DPH6: variants seen among roughly 807,000 people sequenced by gnomAD.
DPH6 encodes diphthine--ammonia ligase.
In DPH6, 33 loss-of-function variants were observed where a neutral mutation model predicts 38.2. That is an observed-to-expected ratio of 0.86 (90% CI 0.65 to 1.15). DPH6 has a LOEUF of 1.15. Among genes scored for constraint, DPH6 ranks in the 50% most tolerant of loss-of-function variants. The probability of loss-of-function intolerance (pLI) is 0.00; values close to 1 mark genes in which losing one functional copy is unlikely to be tolerated. For missense variants in DPH6, 325 were observed against 320.0 expected, an observed-to-expected ratio of 1.02 and a Z score of -0.12; for synonymous variants, 108 against 103.0, an observed-to-expected ratio of 1.05 and a Z score of -0.30.
chr15:35,231,782 G>A (rs2051519766), intron 3 of DPH6, among the ~76,000 whole-genome samples: 1 of 152,158 alleles, frequency 6.6e-6, no homozygotes. Flanking sequence ...TATGGTGGCA[G>A]GGAAGAGGAG....
chr15:35,433,405 A>G (rs2053656381), intron 5 of DPH6, among the ~76,000 whole-genome samples: 1 of 152,242 alleles, frequency 6.6e-6, no homozygotes. Flanking sequence ...CAGAAAGCCA[A>G]GACTCCAGGC....
At chr15:35,412,373 T>C (rs1005720423) in intron 5 of DPH6, among the ~76,000 whole-genome samples, 3 of 151,662 alleles carry the variant, frequency 2.0e-5, no homozygotes, top group African/African-American at 4.8e-5. Context: ...AGCAATACTA[T>C]TGCTGATTGG....
At chr15:35,353,818 A>C (rs2052536385) in intron 3 of DPH6, among the ~76,000 whole-genome samples, 3 of 152,208 alleles carry the variant, frequency 2.0e-5, no homozygotes, top group Admixed American at 2.0e-4. Flanking sequence ...TCTGTGAAGA[A>C]AGTCATTGGT....
chr15:35,377,139 GA>G (rs1417192277), intron 7 of DPH6, among the ~76,000 whole-genome samples: 1 of 152,110 alleles, frequency 6.6e-6, no homozygotes, highest in Non-Finnish European at 1.5e-5. Flanking sequence ...ATCAATGTAA[GA>G]AGGCAAATAA....
intron 1 of DPH6, among the ~76,000 whole-genome samples, chr15:35,542,915 TATATATA>T (rs1245863380): frequency 3.4e-4 from 42 of 122,678 alleles, no homozygotes; most frequent in Non-Finnish European, 5.9e-4. Context: ...ACTTAAGGAA[TATATATA>T]ATATATATTA....
rs2054453438 is a variant in DPH6, at chr15:35,489,838, G to C, written c.313-35018C>G. The C allele has an allele frequency of 4.1e-6, 4 of 977,054 alleles. No individual in the cohort carries two copies. In the South Asian group the frequency reaches 1.9e-4, roughly 46 times the overall value. The allele number at this position is 977,054 out of a possible 1,614,324, so 60.5% of individuals were successfully genotyped here. ...TTGTCTAATAATGTACTTTTAAAAG[G>C]AATATTAATAAGAGTTACCTGGATT... On this transcript the variant is annotated intron_variant, in intron 3 of 8. Transcript: ENST00000256538.
intron 3 of DPH6, among the ~76,000 whole-genome samples, chr15:35,267,844 A>G (rs2051792748): frequency 6.6e-6 from 1 of 152,112 alleles, no homozygotes. Context: ...ATGGAAGCAA[A>G]GCAAAACTGT....
At chr15:35,338,861 G>A (rs1248858698) in intron 3 of DPH6, among the ~76,000 whole-genome samples, 6 of 152,304 alleles carry the variant, frequency 3.9e-5, no homozygotes, top group East Asian at 3.9e-4. Flanking sequence ...CATAAAAAAT[G>A]ATGAGTTCAT....
At chr15:35,153,566 G>A in the DPH6 span, among the ~76,000 whole-genome samples, 1 of 152,150 alleles carries the variant, frequency 6.6e-6, no homozygotes, top group African/African-American at 2.4e-5. Context: ...AAGAAGCATG[G>A]AGCTTGTGAA....
At chr15:35,217,988 A>G (rs1157226955) in exon 4 of DPH6, 5 of 152,206 alleles carry the variant, frequency 3.3e-5, no homozygotes, top group Non-Finnish European at 5.9e-5. Context: ...TAGTTGTTAT[A>G]CTGTATTTTT....
At chr15:35,217,919 T>C (rs923392670) in exon 4 of DPH6, 1 of 152,246 alleles carries the variant, frequency 6.6e-6, no homozygotes, top group Admixed American at 6.5e-5. Flanking sequence ...CCTCCCTGTA[T>C]GTTTTAAGTC....
chr15:35,217,508 C>G (rs539640296), exon 4 of DPH6: 1 of 152,136 alleles, frequency 6.6e-6, no homozygotes. Context: ...CCTGCCACCA[C>G]GCCCGGCTAA....
chr15:35,153,620 A>G, the DPH6 span, among the ~76,000 whole-genome samples: 1 of 152,168 alleles, frequency 6.6e-6, no homozygotes. Context: ...TGAATTTAGT[A>G]TGTAAGTTTG....
rs374248836 is a variant in DPH6, at chr15:35,450,681, A to G, written c.505+4T>C. On this transcript the variant is annotated splice_donor_region_variant and intron_variant, in intron 5 of 8. Coordinates refer to ENST00000256538, the MANE Select transcript of DPH6 (RefSeq NM_080650.4). The stretch of plus-strand genomic sequence containing the variant: ...ACAGCTCCCTTGATAGTTTGGCTGC[A>G]TACCCAAAGCTGCTACTTTGATGAT... 3.7e-6 allele frequency: 6 copies of G among 1,610,640 alleles called. No individual in the cohort carries two copies. The highest frequency in any genetic ancestry group is 2.7e-5 in the African/African-American group (2 of 74,818).
intron 5 of DPH6, among the ~76,000 whole-genome samples, chr15:35,438,942 A>G (rs2053750613): frequency 6.6e-6 from 1 of 152,248 alleles, no homozygotes; most frequent in Non-Finnish European, 1.5e-5. Flanking sequence ...CTTGCAAAAG[A>G]AATTCTGTGT....
rs998849059 is a variant in DPH6 at position 35,492,637 on chromosome 15, T to C, written c.313-37817A>G. 5.9e-5 allele frequency among the ~76,000 whole-genome samples: 9 copies of C among 152,200 alleles called. No homozygotes were observed. The South Asian group carries it at 6.2e-4, about 10-fold the overall frequency. On this transcript the variant is annotated intron_variant, in intron 3 of 8. Coordinates refer to ENST00000256538, the MANE Select transcript of DPH6 (RefSeq NM_080650.4). The stretch of plus-strand genomic sequence containing the variant: ...AACCATGATTGAGCTGTTAAATAAA[T>C]GCATGCTCTCTGCCAGGTATTTAAC...
At chr15:35,355,082 G>C (rs1415274146) in intron 3 of DPH6, among the ~76,000 whole-genome samples, 1 of 152,154 alleles carries the variant, frequency 6.6e-6, no homozygotes, top group Non-Finnish European at 1.5e-5. Flanking sequence ...TTTAAAGTCT[G>C]TTTTATCATA....
chr15:35,388,566 T>C (rs2053005484), intron 6 of DPH6, among the ~76,000 whole-genome samples: 1 of 152,236 alleles, frequency 6.6e-6, no homozygotes, highest in South Asian at 2.1e-4. Flanking sequence ...TGGTTTAGTC[T>C]TGGAAGAGTG....
At chr15:35,183,763 TA>T in the DPH6 span, among the ~76,000 whole-genome samples, 7 of 152,214 alleles carry the variant, frequency 4.6e-5, no homozygotes, top group Admixed American at 2.0e-4. Flanking sequence ...AATTCTGTTA[TA>T]AAAAACATAA....
Sources: allele counts gnomAD v4.1 joint callset (sites outside exome capture counted in the v4.1 genomes callset), GRCh38; gene constraint gnomAD v4.1.1; transcripts MANE v1.5; gene names NCBI Gene and HGNC (gene_info 2026-07-23, HGNC 2026-07-21).